BDH2: variants seen among roughly 807,000 people sequenced by gnomAD.
The protein encoded by BDH2 is 3-hydroxybutyrate dehydrogenase 2, also known as dehydrogenase/reductase SDR family member 6.
A neutral mutation model predicts 33.2 loss-of-function variants in BDH2; 24 were observed. The ratio of observed to expected loss-of-function variants is 0.72; its 90% CI spans 0.52 to 1.02. BDH2 has a LOEUF of 1.02. BDH2 is among the 50% of genes least tolerant of loss of function. The probability of loss-of-function intolerance (pLI) is 0.00; values close to 1 mark genes in which losing one functional copy is unlikely to be tolerated. For synonymous variants in BDH2, 81 were observed against 101.6 expected, an observed-to-expected ratio of 0.80 and a Z score of 1.22; for missense variants, 249 against 301.6, an observed-to-expected ratio of 0.83 and a Z score of 1.29.
chr4:103,093,113 G>A (rs981123554), intron 3 of BDH2, among the ~76,000 whole-genome samples: 1 of 151,994 alleles, frequency 6.6e-6, no homozygotes, highest in African/African-American at 2.4e-5. Context: ...CTTCTTTGAG[G>A]TATAATTGAG....
At position 103,077,671 on chromosome 4, in the gene BDH2, C is replaced by T. The variant is rs779845262; in HGVS notation, c.*2031G>A. On this transcript the variant is annotated 3_prime_UTR_variant, in exon 10 of 10. Transcript: ENST00000296424. ...TGTTCATAGCTATACATATATTATA[C>T]ATGTATACCTGCTCACAGCATAAAG... Among the ~76,000 whole-genome samples, 9 of 152,164 alleles carry T rather than the reference C, an allele frequency of 5.9e-5. No individual in the cohort carries two copies. Among genetic ancestry groups the T allele is most frequent in the Non-Finnish European group, 1.2e-4 (8 of 68,038 alleles).
At chr4:103,080,603 AT>A (rs1389059479) in intron 9 of BDH2, among the ~76,000 whole-genome samples, 5 of 152,268 alleles carry the variant, frequency 3.3e-5, no homozygotes, top group African/African-American at 1.2e-4. Flanking sequence ...CTAGGGAGTT[AT>A]TAGTCACTTC....
At chr4:103,092,007 A>C (rs140591627) in intron 4 of BDH2, among the ~76,000 whole-genome samples, 1 of 152,330 alleles carries the variant, frequency 6.6e-6, no homozygotes, top group African/African-American at 2.4e-5. Flanking sequence ...ACTATTTTTC[A>C]AGTTACGTTT....
chr4:103,087,371 G>A (rs1747844868), intron 5 of BDH2, among the ~76,000 whole-genome samples: 1 of 152,224 alleles, frequency 6.6e-6, no homozygotes, highest in South Asian at 2.1e-4. Context: ...GGATTGCAAG[G>A]ATTACTGTGG....
chr4:103,095,071 A>G, intron 3 of BDH2, 132 bp downstream of exon 3: 2 of 623,578 alleles, frequency 3.2e-6, no homozygotes, highest in Non-Finnish European at 5.6e-6. Flanking sequence ...TAGATTTCAT[A>G]TCAGAGAGAG....
Position 103,079,631 on chromosome 4 carries a change from G to C in BDH2, c.*71C>G, listed in dbSNP as rs1747410363. 7 of 1,464,466 alleles carry C rather than the reference G, an allele frequency of 4.8e-6. No homozygotes were observed. The highest frequency in any genetic ancestry group is 6.7e-6 in the Non-Finnish European group (7 of 1,047,674). The allele number at this position is 1,464,466 out of a possible 1,614,324, so 90.7% of individuals were successfully genotyped here. ...TTAACAGGAAGGAGATGATTGGTGA[G>C]TTTTCTTCGTAACCAGGTTCACTGT... On this transcript the variant is annotated 3_prime_UTR_variant, in exon 10 of 10. Transcript: ENST00000296424.
chr4:103,082,848 T>G (rs1428309439), intron 8 of BDH2, 23 bp downstream of exon 8: 1 of 1,582,288 alleles, frequency 6.3e-7, no homozygotes, highest in East Asian at 2.2e-5. Context: ...AAGGTTTAAA[T>G]ACATTTTAAA....
At chr4:103,083,872 C>T (rs1002799857) in intron 7 of BDH2, among the ~76,000 whole-genome samples, 1 of 152,152 alleles carries the variant, frequency 6.6e-6, no homozygotes, top group Admixed American at 6.5e-5. Flanking sequence ...AATCAGAAAG[C>T]CTGACTCCAT....
intron 5 of BDH2, among the ~76,000 whole-genome samples, chr4:103,087,975 C>A (rs1747878520): frequency 6.6e-6 from 1 of 152,168 alleles, no homozygotes. Context: ...ATTCTTCTGA[C>A]TTTGTTCTGA....
chr4:103,096,161 AAGATAG>A lies in BDH2; in HGVS notation c.72+16_72+21del. ...GTCAAGAGTTAGTAGGCAAACAACAAAGATAGTAACTTATAACTTACTAAGGCAGCT... is the reference window on the plus strand; with the variant it reads ...GTCAAGAGTTAGTAGGCAAACAACAATAACTTATAACTTACTAAGGCAGCT... On this transcript the variant is annotated intron_variant, in intron 2 of 9. Coordinates refer to ENST00000296424, the MANE Select transcript of BDH2 (RefSeq NM_020139.4). 6.3e-7 allele frequency: 1 copy of A among 1,580,904 alleles called. No homozygotes were observed. The highest frequency in any genetic ancestry group is 8.7e-7 in the Non-Finnish European group (1 of 1,151,822).
intron 5 of BDH2, among the ~76,000 whole-genome samples, chr4:103,090,658 G>T (rs1452700633): frequency 6.6e-6 from 1 of 152,092 alleles, no homozygotes; most frequent in Admixed American, 6.5e-5. Context: ...TACCTCATAC[G>T]ATCATTCCAG....
In BDH2 at chr4:103,078,128, G is replaced by A. The variant is rs187635210; in HGVS notation, c.*1574C>T. On this transcript the variant is annotated 3_prime_UTR_variant, in exon 10 of 10. Coordinates refer to ENST00000296424, the MANE Select transcript of BDH2 (RefSeq NM_020139.4). Reference sequence around the variant, plus strand: ...CTGCACATTTATTGAGTATCTCAGTGTGCATCATACCATTTGGTCATTTGA... The same window carrying A: ...CTGCACATTTATTGAGTATCTCAGTATGCATCATACCATTTGGTCATTTGA... 3.3e-5 allele frequency among the ~76,000 whole-genome samples: 5 copies of A among 152,248 alleles called. No individual in the cohort carries two copies. The East Asian group carries it at 5.8e-4, about 18-fold the overall frequency.
At chr4:103,083,153 T>G (rs985104682) in intron 7 of BDH2, among the ~76,000 whole-genome samples, 1 of 152,242 alleles carries the variant, frequency 6.6e-6, no homozygotes, top group African/African-American at 2.4e-5. Context: ...CGTGACACTA[T>G]GTAGGGACTC....
In BDH2 at chr4:103,082,170, G is replaced by A. The variant is rs147767922; in HGVS notation, c.595C>T (p.Arg199Trp). Residue 199 changes from arginine (R) to tryptophan (W), a missense_variant, in exon 9 of 10, where the codon CGG (arginine) becomes TGG (tryptophan). By Grantham distance (101) the Arg-to-Trp change is moderately radical (BLOSUM62 -3). Transcript: ENST00000296424. ...IQARGNPEEA[R>W]NDFLKRQKTG... ...TTTTGTCTCTTCAGGAAATCATTCC[G>A]TGCCTGTGACCAGAGACCATACCAG... 109 of 1,613,602 alleles carry A rather than the reference G, an allele frequency of 6.8e-5. No individual in the cohort carries two copies. The African/African-American group carries it at 9.1e-4, about 13-fold the overall frequency.
chr4:103,099,419 G>T (rs116064437), intron 1 of BDH2: 190 of 152,190 alleles, frequency 1.2e-3, no homozygotes, highest in African/African-American at 4.4e-3. Context: ...GTAAAACAAG[G>T]CACCTCTCAA....
At chr4:103,093,666 AT>A (rs1295855093) in intron 3 of BDH2, among the ~76,000 whole-genome samples, 1 of 147,348 alleles carries the variant, frequency 6.8e-6, no homozygotes, top group African/African-American at 2.5e-5. Context: ...TAGTAATATA[AT>A]TTATAATATA....
chr4:103,093,124 A>C (rs1380378091), intron 3 of BDH2, among the ~76,000 whole-genome samples: 1 of 152,100 alleles, frequency 6.6e-6, no homozygotes, highest in Non-Finnish European at 1.5e-5. Context: ...TATAATTGAG[A>C]AATAAAAATT....
chr4:103,088,030 C>T (rs1747880190), intron 5 of BDH2, among the ~76,000 whole-genome samples: 1 of 152,126 alleles, frequency 6.6e-6, no homozygotes, highest in South Asian at 2.1e-4. Context: ...TAAACTAACC[C>T]CAAGGCACTA....
intron 3 of BDH2, among the ~76,000 whole-genome samples, chr4:103,093,117 A>G (rs564759019): frequency 6.6e-6 from 1 of 152,188 alleles, no homozygotes; most frequent in African/African-American, 2.4e-5. Context: ...TTTGAGGTAT[A>G]ATTGAGAAAT....
Sources: allele counts gnomAD v4.1 joint callset (sites outside exome capture counted in the v4.1 genomes callset), GRCh38; gene constraint gnomAD v4.1.1; transcripts MANE v1.5; gene names NCBI Gene and HGNC (gene_info 2026-07-23, HGNC 2026-07-21).